The following SORCS3 variants were observed in gnomAD, a reference collection of about 807,000 sequenced individuals.
SORCS3 encodes sortilin related VPS10 domain containing receptor 3.
SORCS3 carries 57 observed loss-of-function variants against 146.3 expected under a neutral mutation model. The ratio of observed to expected loss-of-function variants is 0.39; its 90% CI spans 0.31 to 0.49. SORCS3 has a LOEUF of 0.49. SORCS3 is among the 20% of genes least tolerant of loss of function. The pLI is 0.92. For missense variants in SORCS3, 1,341 were observed against 1,575.5 expected, an observed-to-expected ratio of 0.85 and a Z score of 2.52; for synonymous variants, 653 against 618.5, an observed-to-expected ratio of 1.06 and a Z score of -0.83.
chr10:104,852,757 G>A (rs1477230269), intron 2 of SORCS3, among the ~76,000 whole-genome samples: 7 of 152,096 alleles, frequency 4.6e-5, no homozygotes. Flanking sequence ...ATCCATAGTT[G>A]CTCCCTCCTC....
chr10:105,063,907 T>C (rs1030879267), intron 5 of SORCS3, among the ~76,000 whole-genome samples: 1 of 152,268 alleles, frequency 6.6e-6, no homozygotes, highest in Non-Finnish European at 1.5e-5. Context: ...CAGTAGCCTA[T>C]GCAGCCAGTC....
At chr10:104,950,179 C>T (rs1016753060) in intron 3 of SORCS3, among the ~76,000 whole-genome samples, 2 of 152,170 alleles carry the variant, frequency 1.3e-5, no homozygotes, top group African/African-American at 2.4e-5. Context: ...TCCTTTACTT[C>T]ACTCAAGATC....
intron 20 of SORCS3, 118 bp downstream of exon 20, chr10:105,223,367 C>A: frequency 1.0e-6 from 1 of 1,000,358 alleles, no homozygotes; most frequent in Non-Finnish European, 1.4e-6. Context: ...ACTTAATAAA[C>A]CTATGAGCCC....
At chr10:105,066,603 C>T (rs1257754701) in intron 5 of SORCS3, among the ~76,000 whole-genome samples, 1 of 152,174 alleles carries the variant, frequency 6.6e-6, no homozygotes, top group Non-Finnish European at 1.5e-5. Flanking sequence ...GCACCCTCAG[C>T]ATGTCATGTC....
At chr10:105,229,726 C>G (rs1457797478) in intron 20 of SORCS3, among the ~76,000 whole-genome samples, 1 of 152,072 alleles carries the variant, frequency 6.6e-6, no homozygotes, top group Non-Finnish European at 1.5e-5. Context: ...GGGCCAGGGT[C>G]TGGGGTCCTA....
At chr10:105,239,800 A>G (rs2056812737) in intron 20 of SORCS3, among the ~76,000 whole-genome samples, 1 of 152,172 alleles carries the variant, frequency 6.6e-6, no homozygotes, top group Non-Finnish European at 1.5e-5. Flanking sequence ...TGAACCTTAA[A>G]ATACTTGATT....
chr10:105,056,603 T>G (rs1193286174), intron 5 of SORCS3, among the ~76,000 whole-genome samples: 8 of 152,318 alleles, frequency 5.3e-5, no homozygotes, highest in Middle Eastern at 3.4e-3. Context: ...TTTCTTGTGA[T>G]GCTTAAGTGC....
intron 1 of SORCS3, among the ~76,000 whole-genome samples, chr10:104,791,080 T>C (rs1432611866): frequency 6.6e-6 from 1 of 152,198 alleles, no homozygotes; most frequent in East Asian, 1.9e-4. Context: ...GAGGTAGCCT[T>C]AATCCCATAG....
intron 1 of SORCS3, among the ~76,000 whole-genome samples, chr10:104,789,269 C>G (rs1339946385): frequency 2.0e-5 from 3 of 152,176 alleles, no homozygotes; most frequent in Admixed American, 6.5e-5. Context: ...TCTGTAATGC[C>G]CAGCCTTGGG....
At chr10:104,994,565 C>G (rs927481700) in intron 4 of SORCS3, among the ~76,000 whole-genome samples, 1 of 152,200 alleles carries the variant, frequency 6.6e-6, no homozygotes, top group Non-Finnish European at 1.5e-5. Flanking sequence ...CCGTCACCTT[C>G]AAAAGTTTCC....
chr10:105,122,929 T>C (rs1036554394), intron 7 of SORCS3, among the ~76,000 whole-genome samples: 2 of 152,332 alleles, frequency 1.3e-5, no homozygotes, highest in Middle Eastern at 3.4e-3. Flanking sequence ...TTGGCGTTCC[T>C]GGGTTTAAGT....
chr10:104,786,889 C>T (rs1314030484), intron 1 of SORCS3, among the ~76,000 whole-genome samples: 1 of 152,160 alleles, frequency 6.6e-6, no homozygotes, highest in African/African-American at 2.4e-5. Context: ...GAACCTTCCA[C>T]CACCCCAAGG....
At chr10:105,163,817 C>T (rs1021532999) in intron 11 of SORCS3, among the ~76,000 whole-genome samples, 7 of 151,868 alleles carry the variant, frequency 4.6e-5, no homozygotes, top group Non-Finnish European at 7.4e-5. Context: ...GGTCACTCAA[C>T]TGCCTGGCAC....
chr10:104,969,303 TTG>T (rs59557629), intron 3 of SORCS3, among the ~76,000 whole-genome samples: 63,286 of 140,376 alleles, frequency 0.45, 15,374 homozygotes, highest in South Asian at 0.64. Context: ...TCAAAAAGGA[TTG>T]TGTGTGTGTG....
chr10:104,903,900 A>T (rs911297279), intron 2 of SORCS3, among the ~76,000 whole-genome samples: 3 of 152,190 alleles, frequency 2.0e-5, no homozygotes, highest in Non-Finnish European at 4.4e-5. Context: ...TGAAAAGTAA[A>T]AGAATGCTAA....
intron 5 of SORCS3, among the ~76,000 whole-genome samples, chr10:105,075,893 G>T (rs1305538250): frequency 1.3e-5 from 2 of 152,190 alleles, no homozygotes; most frequent in Non-Finnish European, 2.9e-5. Flanking sequence ...TACACAGCTG[G>T]TCAGTATGAA....
chr10:105,056,769 A>G (rs902832439), intron 5 of SORCS3, among the ~76,000 whole-genome samples: 7 of 152,212 alleles, frequency 4.6e-5, no homozygotes, highest in African/African-American at 1.7e-4. Flanking sequence ...TTGAAACCAT[A>G]CATTTTTGTT....
chr10:104,923,263 T>C (rs1318116616), intron 3 of SORCS3, among the ~76,000 whole-genome samples: 9 of 152,362 alleles, frequency 5.9e-5, no homozygotes, highest in Admixed American at 5.2e-4. Context: ...GCTCATTGGA[T>C]AGCCAGTTGG....
At chr10:105,228,526 T>C (rs1234360568) in intron 20 of SORCS3, among the ~76,000 whole-genome samples, 1 of 152,156 alleles carries the variant, frequency 6.6e-6, no homozygotes, top group African/African-American at 2.4e-5. Context: ...GAATTTCTAA[T>C]ATGGCAAATC....
Sources: allele counts gnomAD v4.1 joint callset (sites outside exome capture counted in the v4.1 genomes callset), GRCh38; gene constraint gnomAD v4.1.1; transcripts MANE v1.5; gene names NCBI Gene and HGNC (gene_info 2026-07-23, HGNC 2026-07-21).